CDH8: variants seen among roughly 807,000 people sequenced by gnomAD.
CDH8 encodes the protein cadherin-8.
In CDH8, 17 loss-of-function variants were observed where a neutral mutation model predicts 68.1. The observed-to-expected ratio is 0.25, with a 90% CI of 0.17 to 0.37. CDH8 has a LOEUF of 0.37. CDH8 is among the 10% of genes least tolerant of loss of function. The pLI is 1.00. For missense variants in CDH8, 763 were observed against 999.3 expected (o/e 0.76, Z 3.19); for synonymous variants, 372 against 365.1 (o/e 1.02, Z -0.21).
At chr16:61,836,616 T>C (rs904357839) in intron 4 of CDH8, among the ~76,000 whole-genome samples, 3 of 151,982 alleles carry the variant, frequency 2.0e-5, no homozygotes, top group African/African-American at 7.2e-5. Flanking sequence ...GCTATTTCAA[T>C]GAGAGATCTT....
At chr16:61,990,181 A>G (rs1424260318) in intron 2 of CDH8, among the ~76,000 whole-genome samples, 2 of 152,152 alleles carry the variant, frequency 1.3e-5, no homozygotes, top group Non-Finnish European at 2.9e-5. Context: ...AAGTTCTTAC[A>G]GAATGGATGT....
chr16:61,682,197 T>C (rs1161761661), intron 10 of CDH8, among the ~76,000 whole-genome samples: 1 of 151,934 alleles, frequency 6.6e-6, no homozygotes, highest in Non-Finnish European at 1.5e-5. Flanking sequence ...AATAAGTCAT[T>C]GAAGATTGAA....
intron 2 of CDH8, among the ~76,000 whole-genome samples, chr16:61,984,583 C>A (rs922408241): frequency 6.6e-6 from 1 of 151,898 alleles, no homozygotes; most frequent in Admixed American, 6.6e-5. Flanking sequence ...CACCATCACA[C>A]CTATATTCTA....
chr16:61,653,585 A>G lies in CDH8; in HGVS notation c.*23T>C. On this transcript the variant is annotated 3_prime_UTR_variant, in exon 12 of 12. Transcript: ENST00000577390. ...AGAATATTACAGAATGCTCAGTTCC[A>G]GTGATTTATTTATAATCCACTGTCA... 4 of 1,584,680 alleles carry G rather than the reference A, an allele frequency of 2.5e-6. No homozygotes were observed. The highest frequency in any genetic ancestry group is 3.4e-6 in the Non-Finnish European group (4 of 1,167,002).
chr16:61,860,752 T>C (rs1963135511), intron 3 of CDH8, among the ~76,000 whole-genome samples: 1 of 152,180 alleles, frequency 6.6e-6, no homozygotes, highest in South Asian at 2.1e-4. Flanking sequence ...TTGTCAAAAC[T>C]TCCTGTCATT....
intron 3 of CDH8, among the ~76,000 whole-genome samples, chr16:61,899,735 A>G (rs1597051437): frequency 1.3e-5 from 2 of 152,076 alleles, no homozygotes; most frequent in East Asian, 3.9e-4. Context: ...AATGCCTGAG[A>G]ATAACTTACT....
rs1032367850 is a variant in CDH8, at chr16:61,688,309, G to A, written c.1654+25532C>T. On this transcript the variant is annotated intron_variant, in intron 10 of 11. Coordinates refer to ENST00000577390, the MANE Select transcript of CDH8 (RefSeq NM_001796.5). Reference sequence around the variant, plus strand: ...GTAACCATATGGGCACATAGCCCTTGGAAACTTTAATGAAGGACACCGGCT... The same window carrying A: ...GTAACCATATGGGCACATAGCCCTTAGAAACTTTAATGAAGGACACCGGCT... Among the ~76,000 whole-genome samples, 4 of 152,008 alleles carry A rather than the reference G, an allele frequency of 2.6e-5. No homozygotes were observed. In the East Asian group the frequency reaches 7.8e-4, roughly 30 times the overall value.
At chr16:61,701,325 T>C (rs1195839961) in intron 10 of CDH8, among the ~76,000 whole-genome samples, 1 of 152,222 alleles carries the variant, frequency 6.6e-6, no homozygotes, top group Non-Finnish European at 1.5e-5. Context: ...TTAAATCATT[T>C]AAGTTTCATA....
At chr16:61,792,865 C>T (rs1567472860) in intron 7 of CDH8, among the ~76,000 whole-genome samples, 1 of 151,958 alleles carries the variant, frequency 6.6e-6, no homozygotes, top group Non-Finnish European at 1.5e-5. Context: ...GAAGGGCCCT[C>T]ATATCATTTG....
intron 8 of CDH8, among the ~76,000 whole-genome samples, chr16:61,753,706 T>A (rs981141649): frequency 1.3e-5 from 2 of 152,048 alleles, no homozygotes; most frequent in Admixed American, 1.3e-4. Context: ...TTGGATTTTT[T>A]AATTATAGTC....
intron 3 of CDH8, among the ~76,000 whole-genome samples, chr16:61,871,165 C>T (rs1229642475): frequency 6.6e-6 from 1 of 151,944 alleles, no homozygotes; most frequent in African/African-American, 2.4e-5. Flanking sequence ...CACATACACA[C>T]ACACTTATAC....
intron 2 of CDH8, among the ~76,000 whole-genome samples, chr16:61,995,787 C>T (rs1269377475): frequency 6.6e-6 from 1 of 152,174 alleles, no homozygotes; most frequent in East Asian, 1.9e-4. Context: ...TTTCTCATTA[C>T]TGTATAATTA....
rs1963289360 is a variant in CDH8 at position 61,650,193 on chromosome 16, G to T, written c.*3415C>A. The T allele has an allele frequency of 6.6e-6, 1 of 151,986 alleles. No homozygotes were observed. Among genetic ancestry groups the T allele is most frequent in the South Asian group, 2.1e-4 (1 of 4,822 alleles). 9.4% of individuals were successfully genotyped at this position (151,986 alleles called of 1,614,324 possible). On this transcript the variant is annotated 3_prime_UTR_variant, in exon 12 of 12. Coordinates refer to ENST00000577390, the MANE Select transcript of CDH8 (RefSeq NM_001796.5). The stretch of plus-strand genomic sequence containing the variant: ...TTATAACTATACTCATAAAAATATT[G>T]TTAAGAAATGCCCCCCTTAATACTC...
At chr16:62,012,230 C>T (rs1901831391) in intron 2 of CDH8, among the ~76,000 whole-genome samples, 1 of 152,198 alleles carries the variant, frequency 6.6e-6, no homozygotes, top group Non-Finnish European at 1.5e-5. Context: ...GAAAAAATTA[C>T]AGGCAACCTG....
chr16:61,955,941 TC>T (rs1964980882), intron 2 of CDH8, among the ~76,000 whole-genome samples: 1 of 152,154 alleles, frequency 6.6e-6, no homozygotes, highest in Admixed American at 6.6e-5. Context: ...ATAAAAGCTA[TC>T]CCACAATTAA....
At chr16:61,990,848 G>T (rs1427595675) in intron 2 of CDH8, among the ~76,000 whole-genome samples, 1 of 138,442 alleles carries the variant, frequency 7.2e-6, no homozygotes, top group Non-Finnish European at 1.6e-5. Context: ...AAGAGAGATG[G>T]AACGAAGGGA....
intron 2 of CDH8, chr16:61,940,396 A>ATTTTTTTTTTTTTTTTTTT (rs1597078843): frequency 8.3e-6 from 1 of 121,052 alleles, no homozygotes. Context: ...GAACTACTTG[A>ATTTTTTTTTTTTTTTTTTT]TCTTTTTTTT....
chr16:61,993,605 T>C (rs1015400353), intron 2 of CDH8, among the ~76,000 whole-genome samples: 6 of 152,182 alleles, frequency 3.9e-5, no homozygotes, highest in Non-Finnish European at 5.9e-5. Flanking sequence ...GTCAAAAGAA[T>C]GTCAAATAGT....
At chr16:61,739,451 G>A (rs1421257745) in intron 8 of CDH8, among the ~76,000 whole-genome samples, 1 of 151,708 alleles carries the variant, frequency 6.6e-6, no homozygotes, top group Non-Finnish European at 1.5e-5. Context: ...CTCTCTCTTT[G>A]AAGTTTGTCA....
Sources: gnomAD v4.1 joint callset for allele counts (sites outside exome capture counted in the v4.1 genomes callset) on GRCh38, gnomAD v4.1.1 for gene constraint, MANE v1.5 for transcripts, NCBI Gene and HGNC (gene_info 2026-07-23, HGNC 2026-07-21) for gene names.